KIF16B: variants seen among roughly 807,000 people sequenced by gnomAD.
The protein encoded by KIF16B is kinesin family member 16B, also known as kinesin-like protein KIF16B.
A neutral mutation model predicts 156.3 loss-of-function variants in KIF16B; 98 were observed. That is an observed-to-expected ratio of 0.63 (90% CI 0.53 to 0.74). The LOEUF (loss-of-function observed/expected upper bound fraction) is 0.74, where lower values mean the gene tolerates loss of function less well. Ranked by LOEUF, KIF16B falls within the 30% of genes least tolerant of loss-of-function variation. KIF16B has a pLI of 0.00. For missense variants in KIF16B, 1,421 were observed against 1,606.5 expected (o/e 0.88, Z 1.97); for synonymous variants, 564 against 583.7 (o/e 0.97, Z 0.49).
At chr20:16,478,745 T>C (rs961292580) in intron 12 of KIF16B, among the ~76,000 whole-genome samples, 4 of 152,344 alleles carry the variant, frequency 2.6e-5, no homozygotes, top group East Asian at 3.9e-4. Flanking sequence ...TATATTGTTA[T>C]AATTGTTTAA....
At chr20:16,354,425 C>CGAAATTGTTTTACT (rs1243967398) in intron 23 of KIF16B, among the ~76,000 whole-genome samples, 2 of 150,414 alleles carry the variant, frequency 1.3e-5, no homozygotes, top group Non-Finnish European at 1.5e-5. Flanking sequence ...ACACAACTTC[C>CGAAATTGTTTTACT]GAAATTGTTT....
intron 15 of KIF16B, among the ~76,000 whole-genome samples, chr20:16,410,178 T>C (rs1394471300): frequency 1.4e-5 from 2 of 145,576 alleles, no homozygotes; most frequent in Non-Finnish European, 3.0e-5. Context: ...TACATATATA[T>C]ATGTAGGTAC....
At chr20:16,293,467 G>A (rs920790915) in intron 25 of KIF16B, among the ~76,000 whole-genome samples, 1 of 152,192 alleles carries the variant, frequency 6.6e-6, no homozygotes, top group African/African-American at 2.4e-5. Flanking sequence ...CAGTGAGTGG[G>A]TACATGAAGG....
chr20:16,570,136 A>G (rs1356945578), intron 1 of KIF16B, among the ~76,000 whole-genome samples: 1 of 152,250 alleles, frequency 6.6e-6, no homozygotes, highest in Non-Finnish European at 1.5e-5. Context: ...GATTTACGCT[A>G]TAACTTAACA....
At chr20:16,473,195 A>G (rs2067712160) in intron 12 of KIF16B, among the ~76,000 whole-genome samples, 1 of 152,212 alleles carries the variant, frequency 6.6e-6, no homozygotes, top group African/African-American at 2.4e-5. Context: ...GAACACAAGG[A>G]ACTTTGGAGC....
intron 1 of KIF16B, among the ~76,000 whole-genome samples, chr20:16,547,161 C>T (rs1167605503): frequency 6.6e-6 from 1 of 152,190 alleles, no homozygotes; most frequent in Non-Finnish European, 1.5e-5. Flanking sequence ...CATAAGCATG[C>T]TGTGTCCTTC....
rs373942880 is a variant in KIF16B, at chr20:16,379,549, A to G, written c.2453T>C (p.Leu818Ser). ...GAAGAAACGCAGTTGAGCCTTTTCT[A>G]ACTCCTCGCCATCTTCATCCCCTCC... Reference protein sequence around the residue: ...RAGGDEDGEELEKAQLRFFEF... With the variant: ...RAGGDEDGEESEKAQLRFFEF... The change falls in exon 19 of 26, where the codon TTA becomes TCA. Residue 818 changes from leucine (L) to serine (S), a missense_variant. Coordinates refer to ENST00000354981, the MANE Select transcript of KIF16B (RefSeq NM_024704.5). The G allele has an allele frequency of 2.5e-6, 4 of 1,614,050 alleles. No individual in the cohort carries two copies. The highest frequency in any genetic ancestry group is 2.2e-5 in the East Asian group (1 of 44,852).
intron 23 of KIF16B, among the ~76,000 whole-genome samples, chr20:16,351,534 C>T (rs563197009): frequency 9.1e-4 from 139 of 152,006 alleles, no homozygotes; most frequent in African/African-American, 3.1e-3. Flanking sequence ...TGCAGCTGAG[C>T]GCAGGCACAA....
At chr20:16,528,470 G>A (rs755878765) in intron 1 of KIF16B, 30 bp from the exon 2 acceptor site, 3 of 1,419,674 alleles carry the variant, frequency 2.1e-6, no homozygotes, top group African/African-American at 2.8e-5. Flanking sequence ...GTAGTGGTTA[G>A]AAGAGAAAAG....
chr20:16,413,082 A>C (rs922564742), intron 15 of KIF16B, among the ~76,000 whole-genome samples: 3 of 152,128 alleles, frequency 2.0e-5, no homozygotes, highest in Non-Finnish European at 4.4e-5. Flanking sequence ...AATTCTTGTC[A>C]ACCATGAACC....
In KIF16B at chr20:16,551,560, A is replaced by G. The variant is rs2070666197; in HGVS notation, c.47+21669T>C. Among the ~76,000 whole-genome samples the G allele has an allele frequency of 2.0e-5, 3 of 152,344 alleles. No homozygotes were observed. In the South Asian group the frequency reaches 6.2e-4, roughly 32 times the overall value. ...AAAGGTGTGCAACTTTTGAAGAATG[A>G]GGCTGCCAATCCCTGGAGCTGTAAA... On this transcript the variant is annotated intron_variant, in intron 1 of 25. Coordinates refer to ENST00000354981, the MANE Select transcript of KIF16B (RefSeq NM_024704.5).
At chr20:16,530,554 G>C (rs1201348540) in intron 1 of KIF16B, among the ~76,000 whole-genome samples, 2 of 152,164 alleles carry the variant, frequency 1.3e-5, no homozygotes, top group East Asian at 1.9e-4. Context: ...GCCCGCACCG[G>C]GACATGATGA....
intron 24 of KIF16B, among the ~76,000 whole-genome samples, chr20:16,323,265 T>A (rs2063796979): frequency 6.6e-6 from 1 of 152,048 alleles, no homozygotes. Flanking sequence ...TGGTCAAATC[T>A]GCTATAACCT....
chr20:16,428,529 A>T (rs1407133684), intron 14 of KIF16B, among the ~76,000 whole-genome samples: 1 of 152,124 alleles, frequency 6.6e-6, no homozygotes, highest in Non-Finnish European at 1.5e-5. Context: ...GTTTTCTCCT[A>T]CTTTCTGTTG....
At chr20:16,503,002 G>A (rs913892131) in intron 10 of KIF16B, among the ~76,000 whole-genome samples, 4 of 152,162 alleles carry the variant, frequency 2.6e-5, no homozygotes, top group Non-Finnish European at 5.9e-5. Context: ...ATCACTTGAG[G>A]TCAGGAGTTC....
intron 25 of KIF16B, among the ~76,000 whole-genome samples, chr20:16,274,858 T>C (rs1252605634): frequency 6.6e-6 from 1 of 152,222 alleles, no homozygotes; most frequent in Non-Finnish European, 1.5e-5. Flanking sequence ...AGAATTTAGC[T>C]ACCTCTATGA....
chr20:16,393,149 G>C, intron 17 of KIF16B, among the ~76,000 whole-genome samples: 1 of 151,980 alleles, frequency 6.6e-6, no homozygotes, highest in Admixed American at 6.6e-5. Flanking sequence ...TACAATATCT[G>C]ATGTACACTT....
chr20:16,559,800 A>T (rs1038654647), intron 1 of KIF16B, among the ~76,000 whole-genome samples: 2 of 151,974 alleles, frequency 1.3e-5, no homozygotes, highest in Non-Finnish European at 2.9e-5. Context: ...AATGCTTTAC[A>T]TGATAATAAA....
At chr20:16,327,851 G>A (rs1345623480) in intron 24 of KIF16B, among the ~76,000 whole-genome samples, 1 of 152,058 alleles carries the variant, frequency 6.6e-6, no homozygotes, top group African/African-American at 2.4e-5. Flanking sequence ...TGAGGGCTTG[G>A]TGCAACTGAA....
Sources: gnomAD v4.1 joint callset for allele counts (sites outside exome capture counted in the v4.1 genomes callset) on GRCh38, gnomAD v4.1.1 for gene constraint, MANE v1.5 for transcripts, NCBI Gene and HGNC (gene_info 2026-07-23, HGNC 2026-07-21) for gene names.